The following CENPC variants were observed in gnomAD, a reference collection of about 807,000 sequenced individuals.
The protein encoded by CENPC is centromere protein C.
CENPC carries 63 observed loss-of-function variants against 112.1 expected under a neutral mutation model. The observed-to-expected ratio is 0.56, with a 90% CI of 0.46 to 0.69. The LOEUF (loss-of-function observed/expected upper bound fraction) is 0.69. Ranked by LOEUF, CENPC falls within the 30% of genes least tolerant of loss-of-function variation. The pLI, the probability that CENPC is intolerant of heterozygous loss-of-function variation, is 0.00. For missense variants in CENPC, 1,000 were observed against 1,103.8 expected (o/e 0.91, Z 1.33); for synonymous variants, 333 against 367.6 (o/e 0.91, Z 1.08).
At chr4:67,530,777 A>G (rs1224893205) in intron 5 of CENPC, 38 bp downstream of exon 5, 1 of 1,053,758 alleles carries the variant, frequency 9.5e-7, no homozygotes, top group Middle Eastern at 2.1e-4. Flanking sequence ...TTTTTTAAAT[A>G]TATCCAAGCA....
intron 17 of CENPC, among the ~76,000 whole-genome samples, 182 bp from the exon 18 acceptor site, chr4:67,475,160 A>G (rs567123642): frequency 1.3e-5 from 2 of 152,334 alleles, no homozygotes; most frequent in African/African-American, 2.4e-5. Flanking sequence ...ATTATCTTTG[A>G]TAATGTAGGT....
chr4:67,534,109 A>G (rs1726641193), intron 4 of CENPC, among the ~76,000 whole-genome samples: 1 of 151,854 alleles, frequency 6.6e-6, no homozygotes, highest in Non-Finnish European at 1.5e-5. Flanking sequence ...CAGAAAAAAA[A>G]TTGTGTATAG....
At chr4:67,482,508 A>G (rs971598194) in intron 17 of CENPC, among the ~76,000 whole-genome samples, 1 of 152,256 alleles carries the variant, frequency 6.6e-6, no homozygotes, top group Non-Finnish European at 1.5e-5. Context: ...CCAAATGCCT[A>G]TTAATCAACA....
chr4:67,518,727 C>G (rs1220207237), intron 6 of CENPC, among the ~76,000 whole-genome samples: 1 of 152,088 alleles, frequency 6.6e-6, no homozygotes, highest in African/African-American at 2.4e-5. Flanking sequence ...AGTAATCATA[C>G]AATACTCTAA....
rs1279055421 is a variant in CENPC at position 67,514,627 on chromosome 4, CT to C, written c.890del (p.Lys297SerfsTer2). 1 of 1,607,670 alleles carries C rather than the reference CT, an allele frequency of 6.2e-7. No individual in the cohort carries two copies. The highest frequency in any genetic ancestry group is 8.5e-7 in the Non-Finnish European group (1 of 1,177,238). ...CAATTATAAATTCATCCTCTATCAA[CT>C]TCGTATCATCGGGAGGACACGAATG... ...PPHSCPPDDT[K>X]LIEDEFIIDE... is the part of the protein sequence containing the mutation. On this transcript the variant is annotated frameshift_variant, in exon 8 of 19. Transcript: ENST00000273853. LOFTEE classifies it high-confidence loss of function.
intron 5 of CENPC, among the ~76,000 whole-genome samples, chr4:67,527,017 C>T (rs1180387069): frequency 1.3e-5 from 2 of 152,084 alleles, no homozygotes; most frequent in Non-Finnish European, 2.9e-5. Context: ...GGAAAATTAA[C>T]ACACTTCTAA....
intron 16 of CENPC, 29 bp from the exon 17 acceptor site, chr4:67,490,150 A>C: frequency 6.7e-7 from 1 of 1,494,214 alleles, no homozygotes; most frequent in Non-Finnish European, 9.1e-7. Context: ...TACAAATATA[A>C]AACAACAGCA....
chr4:67,505,163 T>A (rs1329916052), intron 12 of CENPC, 42 bp downstream of exon 12: 1 of 1,367,004 alleles, frequency 7.3e-7, no homozygotes, highest in South Asian at 1.3e-5. Context: ...TCCATATTCA[T>A]AATGCCATAA....
intron 6 of CENPC, 107 bp from the exon 7 acceptor site, chr4:67,518,475 G>T: frequency 8.7e-7 from 1 of 1,148,154 alleles, no homozygotes; most frequent in South Asian, 3.2e-5. Flanking sequence ...TTAAAATTCT[G>T]TACTAGGCAT....
intron 5 of CENPC, among the ~76,000 whole-genome samples, chr4:67,527,805 C>G (rs1312626333): frequency 1.3e-5 from 2 of 151,802 alleles, no homozygotes; most frequent in Admixed American, 1.3e-4. Flanking sequence ...TTGGACCCAT[C>G]ACTGTTATTT....
chr4:67,481,834 T>C (rs985622443), intron 17 of CENPC, among the ~76,000 whole-genome samples: 3 of 152,136 alleles, frequency 2.0e-5, no homozygotes, highest in Non-Finnish European at 4.4e-5. Flanking sequence ...CTTCCAGACA[T>C]TGGCTTAGGC....
chr4:67,536,568 A>G (rs1408465175), intron 4 of CENPC, among the ~76,000 whole-genome samples: 1 of 152,084 alleles, frequency 6.6e-6, no homozygotes, highest in Non-Finnish European at 1.5e-5. Flanking sequence ...TAAGATAGAT[A>G]AGTCTTAAGT....
intron 17 of CENPC, among the ~76,000 whole-genome samples, chr4:67,475,854 G>A (rs1724790888): frequency 6.6e-6 from 1 of 152,166 alleles, no homozygotes; most frequent in Admixed American, 6.5e-5. Context: ...CTCCCAAAGT[G>A]CTGGGATTAC....
intron 17 of CENPC, among the ~76,000 whole-genome samples, chr4:67,482,480 C>G (rs972924389): frequency 6.6e-6 from 1 of 152,176 alleles, no homozygotes; most frequent in African/African-American, 2.4e-5. Flanking sequence ...TGTGCAACTG[C>G]AGAAATACGG....
chr4:67,523,787 G>T (rs1353429446), intron 5 of CENPC, among the ~76,000 whole-genome samples: 2 of 152,200 alleles, frequency 1.3e-5, no homozygotes, highest in East Asian at 3.9e-4. Flanking sequence ...CCCAGTAAAA[G>T]AAATCATGAT....
At position 67,493,961 on chromosome 4, in the gene CENPC, C is replaced by T. The variant is rs750931543; in HGVS notation, c.2213G>A (p.Arg738His). Reference protein sequence around the residue: ...LVLPSNTPNVRRTKRTRLKPL... With the variant: ...LVLPSNTPNVHRTKRTRLKPL... ...TTTCAAACGTGTTCTCTTGGTCCTGCGAACATTTGGTGTGTTGGAGGGCAA... is the reference window on the plus strand; with the variant it reads ...TTTCAAACGTGTTCTCTTGGTCCTGTGAACATTTGGTGTGTTGGAGGGCAA... Residue 738 changes from arginine to histidine, a missense_variant, in exon 14 of 19, where the codon CGC becomes CAC. By Grantham distance (29) the Arg-to-His change is conservative. Transcript: ENST00000273853. 4.6e-5 allele frequency: 74 copies of T among 1,611,528 alleles called. No homozygotes were observed. The highest frequency in any genetic ancestry group is 5.9e-5 in the Non-Finnish European group (70 of 1,178,886).
intron 17 of CENPC, among the ~76,000 whole-genome samples, chr4:67,487,133 T>C (rs922372272): frequency 6.6e-6 from 1 of 152,044 alleles, no homozygotes; most frequent in African/African-American, 2.4e-5. Flanking sequence ...TTATCAGGGA[T>C]TGCAAATGGT....
rs889426430 is a variant in CENPC at position 67,545,344 on chromosome 4, G to A, written c.12C>T (p.Ser4=). MAA[S]GLDHLKNGYR... is the part of the protein sequence containing the mutation. ...GCGGGGGGCCTGCACTTACCAGACC[G>A]GACGCAGCCATGTTCCGGCCCCGCT... Residue 4 remains serine (S), a synonymous_variant, in exon 1 of 19, where the codon TCC becomes TCT. Transcript: ENST00000273853. 2.0e-6 allele frequency: 3 copies of A among 1,522,130 alleles called. No individual in the cohort carries two copies. The highest frequency in any genetic ancestry group is 2.4e-5 in the South Asian group (2 of 81,680). The allele number at this position is 1,522,130 out of a possible 1,614,324, so 94.3% of individuals were successfully genotyped here.
intron 18 of CENPC, 23 bp downstream of exon 18, chr4:67,474,865 C>CT: frequency 7.3e-7 from 1 of 1,374,244 alleles, no homozygotes; most frequent in Non-Finnish European, 1.0e-6. Flanking sequence ...TACATGTTGT[C>CT]TAAGTGAAAT....
Sources: gnomAD v4.1 joint callset for allele counts (sites outside exome capture counted in the v4.1 genomes callset) on GRCh38, gnomAD v4.1.1 for gene constraint, MANE v1.5 for transcripts, NCBI Gene and HGNC (gene_info 2026-07-23, HGNC 2026-07-21) for gene names.